CTNNA3: variants seen among roughly 807,000 people sequenced by gnomAD.
CTNNA3 encodes the protein catenin alpha 3, also known as catenin alpha-3.
Under a neutral mutation model 95.7 loss-of-function variants are expected in CTNNA3, and 76 were observed. The ratio of observed to expected loss-of-function variants is 0.79; its 90% CI spans 0.66 to 0.96. The LOEUF is 0.96. Ranked by LOEUF, CTNNA3 falls within the 40% of genes least tolerant of loss-of-function variation. CTNNA3 has a pLI of 0.00. For synonymous variants in CTNNA3, 431 were observed against 374.4 expected (o/e 1.15, Z -1.74); for missense variants, 1,191 against 1,089.8 (o/e 1.09, Z -1.31).
At chr10:67,418,828 G>GT (rs1696905976) in intron 5 of CTNNA3, among the ~76,000 whole-genome samples, 1 of 152,022 alleles carries the variant, frequency 6.6e-6, no homozygotes, top group African/African-American at 2.4e-5. Context: ...ATTTTTGGAA[G>GT]TTGTTAAGAG....
At chr10:66,442,223 A>T (rs955836197) in intron 11 of CTNNA3, among the ~76,000 whole-genome samples, 1 of 152,168 alleles carries the variant, frequency 6.6e-6, no homozygotes, top group Non-Finnish European at 1.5e-5. Flanking sequence ...GGAGATATGC[A>T]TAGGTTATAT....
At chr10:67,560,072 T>G (rs1006134040) in intron 3 of CTNNA3, among the ~76,000 whole-genome samples, 11 of 152,112 alleles carry the variant, frequency 7.2e-5, no homozygotes, top group Admixed American at 2.0e-4. Context: ...TGCAGGATAT[T>G]ATCCAGGAGA....
chr10:66,134,573 T>A (rs1278886598), intron 13 of CTNNA3, among the ~76,000 whole-genome samples: 1 of 152,136 alleles, frequency 6.6e-6, no homozygotes, highest in African/African-American at 2.4e-5. Flanking sequence ...AGAAGCATTT[T>A]CTGTATGAAA....
At position 66,280,531 on chromosome 10, in the gene CTNNA3, T is replaced by G; in HGVS notation, c.1823A>C (p.Asp608Ala). ...LNVLDDNQFV[D>A]ISKKIYDTIH... ...TGTATCATAGATCTTCTTTGAGATG[T>G]CCACAAATTGATTATCATCCAACAC... Residue 608 changes from aspartate to alanine, a missense_variant, in exon 13 of 18, where the codon GAC becomes GCC. Physicochemically the swap from Asp to Ala is moderately radical, Grantham distance 126. Transcript: ENST00000433211. 6.2e-7 allele frequency: 1 copy of G among 1,610,018 alleles called. No individual in the cohort carries two copies. The highest frequency in any genetic ancestry group is 8.5e-7 in the Non-Finnish European group (1 of 1,177,842).
intron 14 of CTNNA3, among the ~76,000 whole-genome samples, chr10:66,071,457 C>A (rs1169008934): frequency 2.8e-5 from 1 of 36,088 alleles, no homozygotes; most frequent in African/African-American, 8.9e-5. Context: ...GAAATCGAGT[C>A]TCTCTGAAAC....
intron 9 of CTNNA3, among the ~76,000 whole-genome samples, chr10:66,698,006 C>A (rs1847826038): frequency 6.6e-6 from 1 of 152,066 alleles, no homozygotes; most frequent in South Asian, 2.1e-4. Flanking sequence ...TCCAAGGAAA[C>A]AGGCCTTCTG....
intron 17 of CTNNA3, among the ~76,000 whole-genome samples, chr10:65,923,864 G>T (rs1191249277): frequency 6.6e-6 from 1 of 152,106 alleles, no homozygotes; most frequent in African/African-American, 2.4e-5. Flanking sequence ...CATTTATTCA[G>T]TTATAATCTT....
intron 1 of CTNNA3, among the ~76,000 whole-genome samples, chr10:67,661,419 G>C (rs1055280099): frequency 1.3e-5 from 2 of 151,986 alleles, no homozygotes; most frequent in African/African-American, 4.8e-5. Flanking sequence ...TACTTGAAAT[G>C]GATCACAGAG....
At chr10:66,798,275 T>C (rs1158384808) in intron 7 of CTNNA3, among the ~76,000 whole-genome samples, 2 of 151,798 alleles carry the variant, frequency 1.3e-5, no homozygotes, top group Non-Finnish European at 2.9e-5. Flanking sequence ...ATAACAATAT[T>C]ATTACTAATA....
intron 1 of CTNNA3, among the ~76,000 whole-genome samples, chr10:67,680,230 A>G (rs1690399142): frequency 6.6e-6 from 1 of 152,194 alleles, no homozygotes; most frequent in Admixed American, 6.5e-5. Context: ...GGAAAGGTCC[A>G]GGGGGTCTCA....
chr10:66,341,757 C>A (rs990202092), intron 12 of CTNNA3, among the ~76,000 whole-genome samples: 1 of 151,768 alleles, frequency 6.6e-6, no homozygotes, highest in African/African-American at 2.4e-5. Context: ...GTTAAATGAA[C>A]CTAATTTGAG....
intron 16 of CTNNA3, among the ~76,000 whole-genome samples, chr10:65,970,354 G>A (rs957246538): frequency 3.3e-5 from 5 of 151,924 alleles, no homozygotes; most frequent in Admixed American, 2.0e-4. Flanking sequence ...GATCTATAGC[G>A]CAATCAAACC....
At chr10:67,051,716 T>C (rs1855110095) in intron 7 of CTNNA3, among the ~76,000 whole-genome samples, 2 of 150,424 alleles carry the variant, frequency 1.3e-5, no homozygotes, top group African/African-American at 4.9e-5. Flanking sequence ...CACATCTTTA[T>C]ACAAGAGGAG....
intron 9 of CTNNA3, among the ~76,000 whole-genome samples, chr10:66,736,420 T>G (rs1849144288): frequency 6.6e-6 from 1 of 151,898 alleles, no homozygotes; most frequent in African/African-American, 2.4e-5. Context: ...CTCGAACTCC[T>G]GAGCTGAGGC....
intron 7 of CTNNA3, among the ~76,000 whole-genome samples, chr10:66,963,881 T>C (rs992635106): frequency 6.6e-6 from 1 of 151,820 alleles, no homozygotes; most frequent in Non-Finnish European, 1.5e-5. Context: ...TCTTGCTCTG[T>C]TGCCAGGCTG....
chr10:66,344,207 A>G (rs2092480971), intron 12 of CTNNA3, among the ~76,000 whole-genome samples: 1 of 123,862 alleles, frequency 8.1e-6, no homozygotes, highest in African/African-American at 2.9e-5. Flanking sequence ...AGCCTGGGGG[A>G]CAGGGCGAGA....
At chr10:66,229,113 G>T (rs796623028) in intron 13 of CTNNA3, among the ~76,000 whole-genome samples, 1 of 152,084 alleles carries the variant, frequency 6.6e-6, no homozygotes, top group South Asian at 2.1e-4. Flanking sequence ...CTTTTAATTT[G>T]ATAATTTAAA....
At chr10:66,830,563 C>T (rs1390392874) in intron 7 of CTNNA3, among the ~76,000 whole-genome samples, 3 of 151,746 alleles carry the variant, frequency 2.0e-5, no homozygotes, top group Non-Finnish European at 4.4e-5. Context: ...ATGGAGAATT[C>T]TATTCTAAAC....
intron 13 of CTNNA3, among the ~76,000 whole-genome samples, chr10:66,154,848 T>A (rs550542577): frequency 2.0e-5 from 3 of 150,772 alleles, no homozygotes; most frequent in South Asian, 2.1e-4. Context: ...AAGCCCCTAG[T>A]ACAGCTGTGG....
Sources: allele counts gnomAD v4.1 joint callset (sites outside exome capture counted in the v4.1 genomes callset), GRCh38; gene constraint gnomAD v4.1.1; transcripts MANE v1.5; gene names NCBI Gene and HGNC (gene_info 2026-07-23, HGNC 2026-07-21).